THBS2: variants seen among roughly 807,000 people sequenced by gnomAD.
THBS2 encodes thrombospondin-2.
Under a neutral mutation model 135.2 loss-of-function variants are expected in THBS2, and 47 were observed. The ratio of observed to expected loss-of-function variants is 0.35; its 90% CI spans 0.28 to 0.44. THBS2 has a LOEUF of 0.44. THBS2 is among the 20% of genes least tolerant of loss of function. The pLI, the probability that THBS2 is intolerant of heterozygous loss-of-function variation, is 1.00. For synonymous variants in THBS2, 639 were observed against 633.8 expected, an observed-to-expected ratio of 1.01 and a Z score of -0.12; for missense variants, 1,288 against 1,603.1, an observed-to-expected ratio of 0.80 and a Z score of 3.36.
chr6:169,219,917 T>A, intron 21 of THBS2: 3 of 579,130 alleles, frequency 5.2e-6, no homozygotes, highest in South Asian at 3.2e-5. Context: ...GTGGAGGAAA[T>A]CTAGGAAACT....
Position 169,232,928 on chromosome 6 carries a change from A to G in THBS2, c.1741T>C (p.Phe581Leu). 1 of 1,580,614 alleles carries G rather than the reference A, an allele frequency of 6.3e-7. No individual in the cohort carries two copies. Among genetic ancestry groups the G allele is most frequent in the Non-Finnish European group, 8.6e-7 (1 of 1,163,758 alleles). The change falls in exon 11 of 22, where the codon TTC becomes CTC. Residue 581 changes from phenylalanine to leucine, a missense_variant. Physicochemically the swap from Phe to Leu is conservative, Grantham distance 22. This residue lies in a region of THBS2 where 874 missense variants were observed against 1,156.1 expected (regional missense o/e 0.76). Coordinates refer to ENST00000617924, the MANE Select transcript of THBS2 (RefSeq NM_003247.5). Reference sequence around the variant, plus strand: ...TCACAGTGGGTGCCATTGCCCAAGAAGCCCACAGGGCAGGAGCCGCATGAC... The same window carrying G: ...TCACAGTGGGTGCCATTGCCCAAGAGGCCCACAGGGCAGGAGCCGCATGAC... ...SWSCGSCPVG[F>L]LGNGTHCEDL...
intron 4 of THBS2, among the ~76,000 whole-genome samples, chr6:169,242,946 A>C (rs1583418858): frequency 1.5e-5 from 1 of 65,476 alleles, no homozygotes; most frequent in Non-Finnish European, 3.0e-5. Context: ...CCACCTTCCC[A>C]CCTTCCCACC....
intron 19 of THBS2, 37 bp from the exon 20 acceptor site, chr6:169,221,564 A>G (rs537914949): frequency 2.7e-5 from 43 of 1,598,402 alleles, no homozygotes; most frequent in African/African-American, 1.3e-4. Flanking sequence ...TGCCATGGGC[A>G]CCCGGAGCCT....
chr6:169,231,115 G>C (rs1779815343), intron 13 of THBS2, among the ~76,000 whole-genome samples: 1 of 152,144 alleles, frequency 6.6e-6, no homozygotes, highest in Non-Finnish European at 1.5e-5. Flanking sequence ...GATGTCACCT[G>C]ATATGGCTGA....
chr6:169,249,031 T>G, intron 2 of THBS2, 58 bp from the exon 3 acceptor site: 1 of 1,494,082 alleles, frequency 6.7e-7, no homozygotes, highest in Non-Finnish European at 9.0e-7. Context: ...GAGGTTGGCC[T>G]GACCCAGGGT....
chr6:169,230,110 A>G (rs1300314015), intron 13 of THBS2, among the ~76,000 whole-genome samples: 1 of 152,006 alleles, frequency 6.6e-6, no homozygotes, highest in African/African-American at 2.4e-5. Flanking sequence ...AATCTCAAAG[A>G]AAAGAGTCTT....
chr6:169,237,914 GC>G, intron 7 of THBS2, 119 bp from the exon 8 acceptor site: 1 of 1,263,624 alleles, frequency 7.9e-7, no homozygotes, highest in South Asian at 1.6e-5. Flanking sequence ...AATCTGAGGG[GC>G]CACTGCCTGG....
Position 169,245,531 on chromosome 6 carries a change from A to G in THBS2, c.694+666T>C, listed in dbSNP as rs374870304. Among the ~76,000 whole-genome samples, 161 of 152,248 alleles carry G rather than the reference A, an allele frequency of 1.1e-3. 1 individual carries two copies. The East Asian group carries it at 0.013, about 12-fold the overall frequency. On this transcript the variant is annotated intron_variant, in intron 4 of 21. Transcript: ENST00000617924. ...TTCTAGGCCGGGCGTGGTGGCTCAC[A>G]CCTGTAATCCCAGCACTTTGGGAGG...
chr6:169,245,137 C>T (rs2115027725), intron 4 of THBS2, among the ~76,000 whole-genome samples: 1 of 152,338 alleles, frequency 6.6e-6, no homozygotes, highest in Middle Eastern at 3.4e-3. Context: ...CACCGTGTGG[C>T]AGACGTGAGC....
At chr6:169,246,472 A>G (rs924042932) in intron 3 of THBS2, among the ~76,000 whole-genome samples, 191 bp from the exon 4 acceptor site, 9 of 152,236 alleles carry the variant, frequency 5.9e-5, no homozygotes, top group Admixed American at 4.6e-4. Flanking sequence ...TTTGTTTTTA[A>G]GCATGACACA....
rs746851545 is a variant in THBS2, at chr6:169,239,715, T to C, written c.1033-20A>G. ...AAATTTCTACAAGTGAAGAAAGGCA[T>C]GCATGGAACACTCATTTAAAAGGAG... On this transcript the variant is annotated intron_variant, in intron 6 of 21. Transcript: ENST00000617924. 3.8e-6 allele frequency: 6 copies of C among 1,559,172 alleles called. No individual in the cohort carries two copies. Among genetic ancestry groups the C allele is most frequent in the Non-Finnish European group, 5.2e-6 (6 of 1,145,756 alleles).
In THBS2 at chr6:169,229,640, A is replaced by G. The variant is rs779277270; in HGVS notation, c.2191T>C (p.Phe731Leu). ...PHLPNSGQEDFDKDGIGDACD... is the reference protein window; with the variant it reads ...PHLPNSGQEDLDKDGIGDACD... ...GCATCGCCAATCCCGTCCTTGTCAA[A>G]GTCTTCCTGCCCAGAATTTGGCAGA... The change falls in exon 14 of 22, where the codon TTT becomes CTT. Residue 731 changes from phenylalanine to leucine, a missense_variant. Transcript: ENST00000617924. 34 of 1,613,998 alleles carry G rather than the reference A, an allele frequency of 2.1e-5. No homozygotes were observed. In the African/African-American group the frequency reaches 3.6e-4, roughly 17 times the overall value.
chr6:169,221,902 A>G (rs1402019419), intron 19 of THBS2, among the ~76,000 whole-genome samples: 2 of 152,134 alleles, frequency 1.3e-5, no homozygotes, highest in African/African-American at 4.8e-5. Context: ...TATTTTTTTC[A>G]TATTATATCT....
intron 3 of THBS2, among the ~76,000 whole-genome samples, chr6:169,247,792 G>A (rs899830415): frequency 9.9e-5 from 15 of 151,172 alleles, no homozygotes; most frequent in African/African-American, 2.9e-4. Context: ...ATGTGCACAC[G>A]TCTGTGAATG....
At chr6:169,235,667 T>C (rs1485065713) in intron 9 of THBS2, among the ~76,000 whole-genome samples, 2 of 151,424 alleles carry the variant, frequency 1.3e-5, no homozygotes, top group African/African-American at 4.9e-5. Context: ...CAGTCCAAAC[T>C]CACTCCCCGT....
intron 9 of THBS2, 88 bp downstream of exon 9, chr6:169,237,082 C>A: frequency 6.9e-7 from 1 of 1,456,548 alleles, no homozygotes; most frequent in South Asian, 1.3e-5. Flanking sequence ...CAGGCCCTGA[C>A]ACCCCGGATC....
chr6:169,216,578 C>T lies in THBS2; in HGVS notation c.*1244G>A, dbSNP rs1237065560. On this transcript the variant is annotated 3_prime_UTR_variant, in exon 22 of 22. Coordinates refer to ENST00000617924, the MANE Select transcript of THBS2 (RefSeq NM_003247.5). ...ATAGATAACAGTAACAAATATTGAA[C>T]TAAAATCGCTGGCAACATTATATAT... is the stretch of plus-strand genomic sequence containing the variant. 4.9e-5 allele frequency: 7 copies of T among 143,544 alleles called. No homozygotes were observed. Among genetic ancestry groups the T allele is most frequent in the Admixed American group, 3.6e-4 (5 of 13,874 alleles). 8.9% of individuals were successfully genotyped at this position (143,544 alleles called of 1,614,324 possible).
intron 18 of THBS2, 119 bp downstream of exon 18, chr6:169,223,129 G>C (rs1303973751): frequency 2.2e-6 from 2 of 896,190 alleles, no homozygotes; most frequent in Admixed American, 2.7e-5. Context: ...GGAAGGATGG[G>C]GGCTTCCAGA....
At chr6:169,222,890 G>A (rs1431493784) in intron 18 of THBS2, among the ~76,000 whole-genome samples, 1 of 152,070 alleles carries the variant, frequency 6.6e-6, no homozygotes, top group African/African-American at 2.4e-5. Context: ...ATGCCCAGCA[G>A]GCAGGGCGGG....
Sources: allele counts gnomAD v4.1 joint callset (sites outside exome capture counted in the v4.1 genomes callset), GRCh38; gene constraint gnomAD v4.1.1; regional missense constraint gnomAD v4.1.1; transcripts MANE v1.5; gene names NCBI Gene and HGNC (gene_info 2026-07-23, HGNC 2026-07-21).